Variants in GRID1 observed in about 807,000 individuals in gnomAD.
GRID1 encodes glutamate receptor ionotropic, delta-1.
GRID1 carries 28 observed loss-of-function variants against 98.0 expected under a neutral mutation model. That is an observed-to-expected ratio of 0.29 (90% confidence interval 0.21 to 0.39). The LOEUF is 0.39. GRID1 is among the 10% of genes least tolerant of loss of function. The probability of loss-of-function intolerance (pLI) is 1.00; values close to 1 mark genes in which losing one functional copy is unlikely to be tolerated. For synonymous variants in GRID1, 553 were observed against 538.5 expected (o/e 1.03, Z -0.37); for missense variants, 1,111 against 1,340.5 (o/e 0.83, Z 2.67).
intron 4 of GRID1, among the ~76,000 whole-genome samples, chr10:85,957,705 A>G (rs1589313386): frequency 1.3e-5 from 2 of 151,814 alleles, no homozygotes; most frequent in Admixed American, 1.3e-4. Flanking sequence ...GTACGGCAAG[A>G]CTCCAAGCCT....
rs188916061 is a variant in GRID1, at chr10:85,847,415, T to G, written c.1233+7081A>C. ...ATGTGAAATAGTAAGTCTTCCTTAT[T>G]GTTTAATCCACTTAAGGTGGACATT... On this transcript the variant is annotated intron_variant, in intron 8 of 15. Coordinates refer to ENST00000327946, the MANE Select transcript of GRID1 (RefSeq NM_017551.3). Among the ~76,000 whole-genome samples, 92 of 152,366 alleles carry G rather than the reference T, an allele frequency of 6.0e-4. 1 individual carries two copies. Among genetic ancestry groups the G allele is most frequent in the African/African-American group, 2.1e-3 (88 of 41,584 alleles).
At chr10:85,841,354 T>C (rs1842960066) in intron 8 of GRID1, among the ~76,000 whole-genome samples, 1 of 152,002 alleles carries the variant, frequency 6.6e-6, no homozygotes, top group South Asian at 2.1e-4. Flanking sequence ...TAAAAATTTA[T>C]ATGTAAAGCC....
chr10:86,262,405 G>A (rs1401994811), intron 2 of GRID1, among the ~76,000 whole-genome samples: 1 of 152,190 alleles, frequency 6.6e-6, no homozygotes, highest in African/African-American at 2.4e-5. Context: ...CACCCACCTC[G>A]AAGAGCTTGC....
chr10:85,888,898 C>T (rs1429150929), intron 5 of GRID1, among the ~76,000 whole-genome samples: 3 of 152,160 alleles, frequency 2.0e-5, no homozygotes, highest in Non-Finnish European at 4.4e-5. Context: ...TCACCCATCC[C>T]TGCTCATTCA....
intron 3 of GRID1, among the ~76,000 whole-genome samples, chr10:86,181,868 C>A (rs1902694): frequency 0.26 from 39,971 of 152,014 alleles, 5,317 homozygotes; most frequent in East Asian, 0.39. Context: ...GCTATAGCTC[C>A]ATGAGGGCAG....
chr10:85,702,703 G>A (rs915287439), intron 12 of GRID1, among the ~76,000 whole-genome samples: 2 of 151,034 alleles, frequency 1.3e-5, no homozygotes, highest in East Asian at 1.9e-4. Context: ...AGAGGAAGAC[G>A]GACAACAGAA....
chr10:86,027,856 T>C (rs1480819043), intron 4 of GRID1, among the ~76,000 whole-genome samples: 2 of 152,230 alleles, frequency 1.3e-5, no homozygotes, highest in African/African-American at 2.4e-5. Context: ...AAACTGCTCA[T>C]CATTAACCTG....
At chr10:85,797,229 C>CT (rs547357114) in intron 8 of GRID1, among the ~76,000 whole-genome samples, 4 of 150,202 alleles carry the variant, frequency 2.7e-5, no homozygotes, top group East Asian at 2.0e-4. Context: ...TTCAAATTTC[C>CT]TTTTTTTTTA....
At chr10:86,160,492 A>T (rs991084021) in intron 3 of GRID1, among the ~76,000 whole-genome samples, 4 of 152,238 alleles carry the variant, frequency 2.6e-5, no homozygotes, top group African/African-American at 9.6e-5. Context: ...TCTGGCATTC[A>T]GAGTGGAGGG....
intron 4 of GRID1, among the ~76,000 whole-genome samples, chr10:85,941,444 G>C (rs1335241716): frequency 1.3e-5 from 2 of 152,162 alleles, no homozygotes; most frequent in African/African-American, 4.8e-5. Context: ...TGCATAGACA[G>C]ATGAAAGAAA....
chr10:85,996,001 G>C (rs560521582), intron 4 of GRID1, among the ~76,000 whole-genome samples: 1 of 152,362 alleles, frequency 6.6e-6, no homozygotes, highest in Admixed American at 6.5e-5. Context: ...ACACACACCA[G>C]AATGATTAGA....
chr10:85,715,386 C>A (rs1841627051), intron 12 of GRID1, among the ~76,000 whole-genome samples: 2 of 152,100 alleles, frequency 1.3e-5, no homozygotes, highest in Non-Finnish European at 2.9e-5. Context: ...GGGACTGAAT[C>A]AAATTTTAAA....
At chr10:85,841,408 C>T (rs1180476852) in intron 8 of GRID1, among the ~76,000 whole-genome samples, 1 of 152,090 alleles carries the variant, frequency 6.6e-6, no homozygotes, top group Admixed American at 6.6e-5. Context: ...CAATATCATT[C>T]AGGACATAGG....
intron 4 of GRID1, among the ~76,000 whole-genome samples, chr10:86,132,409 A>G (rs1481937958): frequency 2.0e-5 from 3 of 152,244 alleles, no homozygotes; most frequent in Non-Finnish European, 4.4e-5. Flanking sequence ...CTTATTTCTA[A>G]GAATTTCTAA....
At chr10:85,941,262 T>C (rs1479663428) in intron 4 of GRID1, among the ~76,000 whole-genome samples, 1 of 152,200 alleles carries the variant, frequency 6.6e-6, no homozygotes, top group Non-Finnish European at 1.5e-5. Flanking sequence ...TCACAGAGCC[T>C]GAACCTTTTA....
At chr10:86,122,197 C>G (rs1844686680) in intron 4 of GRID1, among the ~76,000 whole-genome samples, 1 of 152,218 alleles carries the variant, frequency 6.6e-6, no homozygotes, top group South Asian at 2.1e-4. Context: ...CAGGCACTAG[C>G]TTCTTTATTT....
chr10:86,298,717 G>A (rs1353664674), intron 2 of GRID1, among the ~76,000 whole-genome samples: 1 of 152,098 alleles, frequency 6.6e-6, no homozygotes, highest in Admixed American at 6.5e-5. Context: ...CACCCCTACG[G>A]CACCTGCAAC....
intron 3 of GRID1, among the ~76,000 whole-genome samples, chr10:86,146,009 GA>G (rs749575608): frequency 6.6e-6 from 1 of 152,094 alleles, no homozygotes; most frequent in Non-Finnish European, 1.5e-5. Context: ...CACTCCCTCT[GA>G]AAAAAATCAG....
intron 2 of GRID1, among the ~76,000 whole-genome samples, chr10:86,323,533 A>C (rs1847999443): frequency 1.3e-5 from 2 of 152,212 alleles, no homozygotes; most frequent in African/African-American, 4.8e-5. Context: ...AGATACAGAA[A>C]ATTCACCACC....
Sources: gnomAD v4.1 joint callset for allele counts (sites outside exome capture counted in the v4.1 genomes callset) on GRCh38, gnomAD v4.1.1 for gene constraint, MANE v1.5 for transcripts, NCBI Gene and HGNC (gene_info 2026-07-23, HGNC 2026-07-21) for gene names.